Variants in CELF2 observed in about 807,000 individuals in gnomAD.
The protein encoded by CELF2 is CUGBP Elav-like family member 2.
Under a neutral mutation model 62.6 loss-of-function variants are expected in CELF2, and 8 were observed. That is an observed-to-expected ratio of 0.13 (90% CI 0.07 to 0.23). The LOEUF (loss-of-function observed/expected upper bound fraction) is 0.23. Ranked by LOEUF, CELF2 falls within the 10% of genes least tolerant of loss-of-function variation. The pLI is 1.00. For missense variants in CELF2, 333 were observed against 671.0 expected (o/e 0.50, Z 5.56); for synonymous variants, 258 against 250.0 (o/e 1.03, Z -0.30).
At chr10:10,562,401 T>C in the CELF2 span, among the ~76,000 whole-genome samples, 1 of 152,246 alleles carries the variant, frequency 6.6e-6, no homozygotes, top group Non-Finnish European at 1.5e-5. Flanking sequence ...CTATGATGTC[T>C]AAGAAATGTT....
intron 1 of CELF2, among the ~76,000 whole-genome samples, chr10:10,834,553 G>T (rs935628367): frequency 2.6e-5 from 4 of 152,190 alleles, no homozygotes; most frequent in African/African-American, 9.7e-5. Flanking sequence ...TCTCACAACT[G>T]CATGAAGTAG....
At position 11,319,692 on chromosome 10, in the gene CELF2, G is replaced by A. The variant is rs1027455457; in HGVS notation, c.1097-1497G>A. The A allele has an allele frequency of 4.8e-5, 21 of 442,064 alleles. No homozygotes were observed. In the Middle Eastern group the frequency reaches 2.7e-3, roughly 57 times the overall value. The allele number at this position is 442,064 out of a possible 1,614,324, so 27.4% of individuals were successfully genotyped here. On this transcript the variant is annotated intron_variant, in intron 10 of 12. Transcript: ENST00000633077. The surrounding 1 kb of genome is among the most constrained non-coding windows in gnomAD (Gnocchi z 4.4). ...TTCTCACGCCATTCACACTCGTCTC[G>A]CCACCCCTGCTTGGTGTCTGTTCTG...
At chr10:11,235,007 AC>A (rs1219846392) in intron 3 of CELF2, among the ~76,000 whole-genome samples, 1 of 152,218 alleles carries the variant, frequency 6.6e-6, no homozygotes, top group Admixed American at 6.5e-5. Flanking sequence ...CCTGCTTCAA[AC>A]ATGAGTTTAC....
intron 3 of CELF2, among the ~76,000 whole-genome samples, chr10:11,239,248 C>T (rs1000738350): frequency 6.6e-6 from 1 of 151,970 alleles, no homozygotes; most frequent in African/African-American, 2.4e-5. Flanking sequence ...TGGTGTACGA[C>T]GTGATTTTAA....
the CELF2 span, among the ~76,000 whole-genome samples, chr10:10,593,176 C>T: frequency 6.6e-6 from 1 of 152,150 alleles, no homozygotes; most frequent in Non-Finnish European, 1.5e-5. Context: ...TCAGCAGATA[C>T]ATCAGTTGGA....
chr10:11,174,767 C>T (rs1214297353), intron 2 of CELF2, among the ~76,000 whole-genome samples: 1 of 152,214 alleles, frequency 6.6e-6, no homozygotes, highest in East Asian at 1.9e-4. Flanking sequence ...TCTGCATTTA[C>T]TAAGTTCATG....
the CELF2 span, among the ~76,000 whole-genome samples, chr10:10,658,675 T>C: frequency 2.9e-3 from 439 of 152,294 alleles, 3 homozygotes; most frequent in African/African-American, 9.7e-3. Flanking sequence ...CTTCAGGAAG[T>C]CAAACCTAAT....
chr10:10,854,882 A>G (rs561425980), intron 1 of CELF2, among the ~76,000 whole-genome samples: 1 of 151,954 alleles, frequency 6.6e-6, no homozygotes, highest in East Asian at 1.9e-4. Flanking sequence ...AATCCACCCA[A>G]GCGGGCAGAA....
At chr10:10,599,154 A>C in the CELF2 span, among the ~76,000 whole-genome samples, 1 of 152,152 alleles carries the variant, frequency 6.6e-6, no homozygotes, top group Non-Finnish European at 1.5e-5. Flanking sequence ...TATATTGGTG[A>C]GTATTATTAA....
intron 2 of CELF2, among the ~76,000 whole-genome samples, chr10:10,998,666 G>A (rs954953748): frequency 3.3e-5 from 5 of 152,110 alleles, no homozygotes; most frequent in African/African-American, 9.7e-5. Context: ...AGGCTGACCC[G>A]GGAAGAAATG....
At chr10:11,067,770 A>G (rs1459988466) in intron 1 of CELF2, among the ~76,000 whole-genome samples, 15 of 152,220 alleles carry the variant, frequency 9.9e-5, no homozygotes, top group Non-Finnish European at 2.2e-4. Flanking sequence ...CAGATCAGGC[A>G]TGAATTTAAA....
At chr10:10,774,142 G>T in the CELF2 span, among the ~76,000 whole-genome samples, 1 of 152,276 alleles carries the variant, frequency 6.6e-6, no homozygotes, top group African/African-American at 2.4e-5. Context: ...CTTTCTATCA[G>T]CAGAGAAATA....
At chr10:10,500,552 GC>G in the CELF2 span, among the ~76,000 whole-genome samples, 1 of 152,120 alleles carries the variant, frequency 6.6e-6, no homozygotes, top group Non-Finnish European at 1.5e-5. Context: ...TGTAAGACAT[GC>G]CTTTTGCCTT....
chr10:10,474,635 C>G, the CELF2 span, among the ~76,000 whole-genome samples: 1 of 152,038 alleles, frequency 6.6e-6, no homozygotes, highest in South Asian at 2.1e-4. Flanking sequence ...GATTCCTAAC[C>G]TGCAGGCCAT....
intron 1 of CELF2, among the ~76,000 whole-genome samples, chr10:11,135,401 A>G (rs531701721): frequency 1.1e-4 from 17 of 152,374 alleles, no homozygotes; most frequent in African/African-American, 3.8e-4. Flanking sequence ...TGCATGGCTC[A>G]TGCATTATGT....
the CELF2 span, among the ~76,000 whole-genome samples, chr10:10,606,992 A>C: frequency 6.6e-6 from 1 of 152,194 alleles, no homozygotes; most frequent in South Asian, 2.1e-4. Context: ...TTCTATGGCT[A>C]TTTTAATTAA....
rs905753208 is a variant in CELF2 at position 11,106,857 on chromosome 10, G to A, written c.75-58629G>A. Among the ~76,000 whole-genome samples, 6 of 152,198 alleles carry A rather than the reference G, an allele frequency of 3.9e-5. No homozygotes were observed. The East Asian group carries it at 1.2e-3, about 29-fold the overall frequency. On this transcript the variant is annotated intron_variant, in intron 1 of 12. Transcript: ENST00000633077. ...AGTCCTTGGGGACAATGACGCTTCA[G>A]TGTGCAGGCTACTTCTCAGCTCAGA...
chr10:11,079,749 C>T (rs539113374), intron 1 of CELF2, among the ~76,000 whole-genome samples: 1 of 133,752 alleles, frequency 7.5e-6, no homozygotes, highest in Admixed American at 7.3e-5. Flanking sequence ...CAGCCCCCCC[C>T]CCCTTTTTAG....
chr10:10,558,355 T>G, the CELF2 span, among the ~76,000 whole-genome samples: 1 of 151,384 alleles, frequency 6.6e-6, no homozygotes, highest in African/African-American at 2.4e-5. Context: ...TTGCGTATAT[T>G]GAACCAGCCT....
Sources: allele counts gnomAD v4.1 joint callset (sites outside exome capture counted in the v4.1 genomes callset), GRCh38; gene constraint gnomAD v4.1.1; non-coding constraint Gnocchi (gnomAD v3.1); transcripts MANE v1.5; gene names NCBI Gene and HGNC (gene_info 2026-07-23, HGNC 2026-07-21).